WWOX: variants seen among roughly 807,000 people sequenced by gnomAD.
The protein encoded by WWOX is WW domain containing oxidoreductase, also known as WW domain-containing oxidoreductase.
In WWOX, 69 loss-of-function variants were observed where a neutral mutation model predicts 46.2. That is an observed-to-expected ratio of 1.49 (90% CI 1.23 to 1.82). The LOEUF (loss-of-function observed/expected upper bound fraction) is 1.82, where lower values mean the gene tolerates loss of function less well. WWOX is among the 40% of genes most tolerant of loss of function. WWOX has a pLI of 0.00. For missense variants in WWOX, 919 were observed against 542.6 expected (o/e 1.69, Z -6.89); for synonymous variants, 359 against 202.6 (o/e 1.77, Z -6.56).
chr16:78,865,338 G>T (rs1227716905), intron 8 of WWOX, among the ~76,000 whole-genome samples: 1 of 151,932 alleles, frequency 6.6e-6, no homozygotes, highest in Non-Finnish European at 1.5e-5. Flanking sequence ...CTTATTAAAT[G>T]ACTGATTTCC....
chr16:78,333,062 T>C (rs2080800369), intron 5 of WWOX, among the ~76,000 whole-genome samples: 1 of 122,888 alleles, frequency 8.1e-6, no homozygotes, highest in East Asian at 2.4e-4. Context: ...TTTTTTTTTT[T>C]TTTTTGAGAC....
chr16:79,197,337 T>C (rs1445295750), intron 8 of WWOX, among the ~76,000 whole-genome samples: 1 of 152,220 alleles, frequency 6.6e-6, no homozygotes, highest in African/African-American at 2.4e-5. Context: ...TAGAACTGGA[T>C]CATAGCAGCT....
At chr16:78,581,553 T>C (rs1308079070) in intron 8 of WWOX, among the ~76,000 whole-genome samples, 1 of 152,192 alleles carries the variant, frequency 6.6e-6, no homozygotes, top group Non-Finnish European at 1.5e-5. Flanking sequence ...TAATGATCTT[T>C]TTAGATTTAT....
intron 5 of WWOX, among the ~76,000 whole-genome samples, chr16:78,261,805 T>G (rs947703951): frequency 3.7e-5 from 5 of 136,160 alleles, no homozygotes; most frequent in African/African-American, 1.1e-4. Context: ...TATATATATA[T>G]ATATATATAT....
At chr16:78,919,514 TTTTTG>T (rs1439510003) in intron 8 of WWOX, among the ~76,000 whole-genome samples, 3 of 90,788 alleles carry the variant, frequency 3.3e-5, no homozygotes, top group African/African-American at 7.5e-5. Flanking sequence ...TTCTTTTATC[TTTTTG>T]TTTTGTTTTT....
intron 8 of WWOX, among the ~76,000 whole-genome samples, chr16:78,609,199 G>C (rs1463539772): frequency 1.3e-5 from 2 of 152,300 alleles, no homozygotes; most frequent in East Asian, 3.9e-4. Flanking sequence ...ACTAGGAAGT[G>C]TTGATAGATA....
chr16:78,603,405 C>G (rs1201334932), intron 8 of WWOX, among the ~76,000 whole-genome samples: 1 of 152,186 alleles, frequency 6.6e-6, no homozygotes, highest in East Asian at 1.9e-4. Flanking sequence ...TTTTAAAAAA[C>G]TATATCCTGC....
chr16:78,352,348 C>T (rs1183311071), intron 5 of WWOX, among the ~76,000 whole-genome samples: 1 of 152,146 alleles, frequency 6.6e-6, no homozygotes, highest in East Asian at 1.9e-4. Flanking sequence ...GTCAGTGGTC[C>T]AAAATAGGTC....
rs148969945 is a variant in WWOX, at chr16:78,733,415, A to G, written c.1056+300663A>G. 2.8e-3 allele frequency among the ~76,000 whole-genome samples: 429 copies of G among 152,150 alleles called. 4 individuals are homozygous for G. Among genetic ancestry groups the G allele is most frequent in the Middle Eastern group, 0.017 (5 of 294 alleles). The stretch of plus-strand genomic sequence containing the variant: ...GGCTGCAGTGAGCTACAATCATACC[A>G]CTGCACTCCAGCCTAAGCAACAGAG... On this transcript the variant is annotated intron_variant, in intron 8 of 8. Transcript: ENST00000566780.
At position 78,688,037 on chromosome 16, in the gene WWOX, A is replaced by C. The variant is rs140697461; in HGVS notation, c.1056+255285A>C. Among the ~76,000 whole-genome samples, 1,176 of 152,258 alleles carry C rather than the reference A, an allele frequency of 7.7e-3. 11 individuals are homozygous for C. Among genetic ancestry groups the C allele is most frequent in the Non-Finnish European group, 0.014 (920 of 68,012 alleles). On this transcript the variant is annotated intron_variant, in intron 8 of 8. Transcript: ENST00000566780. Reference sequence around the variant, plus strand: ...GAAACAGGAGTTATTTAAATTAGTAAATAATTTTTGAAATCTTCTTAGAAT... The same window carrying C: ...GAAACAGGAGTTATTTAAATTAGTACATAATTTTTGAAATCTTCTTAGAAT...
intron 4 of WWOX, among the ~76,000 whole-genome samples, chr16:78,144,472 T>TATATATATATACAC (rs2034116217): frequency 9.8e-5 from 3 of 30,506 alleles, no homozygotes; most frequent in African/African-American, 4.4e-4. Flanking sequence ...TACACACATA[T>TATATATATATACAC]ATATATATAT....
rs186443495 is a variant in WWOX at position 79,147,460 on chromosome 16, C to T, written c.1057-64148C>T. On this transcript the variant is annotated intron_variant, in intron 8 of 8. Coordinates refer to ENST00000566780, the MANE Select transcript of WWOX (RefSeq NM_016373.4). Reference sequence around the variant, plus strand: ...TTTAATTTCATTGCTCAGTAGTATTCCATGGTATTGTACATATAAGTGATC... The same window carrying T: ...TTTAATTTCATTGCTCAGTAGTATTTCATGGTATTGTACATATAAGTGATC... Among the ~76,000 whole-genome samples, 52 of 152,248 alleles carry T rather than the reference C, an allele frequency of 3.4e-4. No homozygotes were observed. The South Asian group carries it at 4.1e-3, about 12-fold the overall frequency.
intron 5 of WWOX, among the ~76,000 whole-genome samples, chr16:78,219,585 T>C (rs933640751): frequency 6.6e-6 from 1 of 152,214 alleles, no homozygotes; most frequent in Admixed American, 6.5e-5. Flanking sequence ...ATTTCTGATC[T>C]GTACAACTTA....
chr16:78,204,598 C>T (rs944958330), intron 5 of WWOX, among the ~76,000 whole-genome samples: 1 of 152,114 alleles, frequency 6.6e-6, no homozygotes, highest in Non-Finnish European at 1.5e-5. Context: ...TTTTTGTGCT[C>T]TCCATTTCTG....
At chr16:78,120,056 A>G (rs1302776568) in intron 4 of WWOX, among the ~76,000 whole-genome samples, 1 of 152,098 alleles carries the variant, frequency 6.6e-6, no homozygotes, top group African/African-American at 2.4e-5. Context: ...AAACAAATAC[A>G]AGCTGGCCAC....
At chr16:78,119,687 A>T (rs1763677526) in intron 4 of WWOX, among the ~76,000 whole-genome samples, 1 of 151,814 alleles carries the variant, frequency 6.6e-6, no homozygotes, top group Admixed American at 6.6e-5. Context: ...GTTGGTCTCA[A>T]ACTCCTGGGT....
At chr16:78,386,768 C>A in intron 5 of WWOX, 92 bp from the exon 6 acceptor site, 1 of 1,145,084 alleles carries the variant, frequency 8.7e-7, no homozygotes, top group Non-Finnish European at 1.3e-6. Context: ...CAGGGGAATT[C>A]CGACATGTTC....
At chr16:78,367,244 G>A (rs1453830117) in intron 5 of WWOX, among the ~76,000 whole-genome samples, 4 of 152,074 alleles carry the variant, frequency 2.6e-5, no homozygotes, top group South Asian at 2.1e-4. Flanking sequence ...CTCCCAAAGT[G>A]CTGGGATTAC....
At chr16:78,351,838 C>T (rs984329339) in intron 5 of WWOX, among the ~76,000 whole-genome samples, 1 of 152,096 alleles carries the variant, frequency 6.6e-6, no homozygotes, top group Non-Finnish European at 1.5e-5. Flanking sequence ...TATATTTTTA[C>T]TCGAGACGTA....
Sources: allele counts gnomAD v4.1 joint callset (sites outside exome capture counted in the v4.1 genomes callset), GRCh38; gene constraint gnomAD v4.1.1; transcripts MANE v1.5; gene names NCBI Gene and HGNC (gene_info 2026-07-23, HGNC 2026-07-21).